The following CAPZB variants were observed in gnomAD, a reference collection of about 807,000 sequenced individuals.
CAPZB encodes the protein F-actin-capping protein subunit beta.
In CAPZB, 2 loss-of-function variants were observed where a neutral mutation model predicts 38.1. The observed-to-expected ratio is 0.05, with a 90% CI of 0.02 to 0.17. The LOEUF is 0.17. CAPZB is among the 10% of genes least tolerant of loss of function. CAPZB has a pLI of 1.00. For synonymous variants in CAPZB, 107 were observed against 127.4 expected (o/e 0.84, Z 1.08); for missense variants, 161 against 334.2 (o/e 0.48, Z 4.04).
At chr1:19,395,728 T>C (rs528718596) in intron 2 of CAPZB, among the ~76,000 whole-genome samples, 1 of 152,330 alleles carries the variant, frequency 6.6e-6, no homozygotes, top group South Asian at 2.1e-4. Context: ...ATCACCTGTG[T>C]GCAGAGAAGC....
chr1:19,363,533 C>G (rs780269474), intron 4 of CAPZB, among the ~76,000 whole-genome samples: 2 of 152,088 alleles, frequency 1.3e-5, no homozygotes, highest in Non-Finnish European at 2.9e-5. Context: ...TTTTCAACCA[C>G]AGGACTTCTG....
chr1:19,440,609 G>T (rs543909950), intron 1 of CAPZB, among the ~76,000 whole-genome samples: 2 of 152,050 alleles, frequency 1.3e-5, no homozygotes, highest in South Asian at 2.1e-4. Flanking sequence ...TGACCAGTGT[G>T]GGGGGAAGGG....
intron 2 of CAPZB, among the ~76,000 whole-genome samples, chr1:19,407,452 G>T (rs973021186): frequency 1.3e-5 from 2 of 152,140 alleles, no homozygotes; most frequent in Admixed American, 6.5e-5. Flanking sequence ...AGGGTACCTG[G>T]GGGGAGACTA....
intron 8 of CAPZB, among the ~76,000 whole-genome samples, chr1:19,340,412 G>T (rs1558164182): frequency 6.6e-6 from 1 of 152,254 alleles, no homozygotes; most frequent in Non-Finnish European, 1.5e-5. Context: ...CCGCATTCAC[G>T]TATGTGTGGG....
In CAPZB at chr1:19,434,644, T is replaced by C. The variant is rs549792455; in HGVS notation, c.4-14894A>G. Among the ~76,000 whole-genome samples, 190 of 152,128 alleles carry C rather than the reference T, an allele frequency of 1.2e-3. 1 individual carries two copies. The highest frequency in any genetic ancestry group is 4.5e-3 in the African/African-American group (187 of 41,500). ...TTTCAGAAAACATAAGATTATAATG[T>C]TTCTAGCCAACGCAGTGGCTCATGC... On this transcript the variant is annotated intron_variant, in intron 1 of 8. Coordinates refer to ENST00000264202, the MANE Select transcript of CAPZB (RefSeq NM_004930.5).
chr1:19,374,797 C>T (rs1445286035), intron 4 of CAPZB, among the ~76,000 whole-genome samples: 1 of 152,204 alleles, frequency 6.6e-6, no homozygotes, highest in African/African-American at 2.4e-5. Context: ...ATGACCCTTG[C>T]CTGAACCCAT....
intron 1 of CAPZB, among the ~76,000 whole-genome samples, chr1:19,429,239 GAGGTTGAGAACCC>G (rs1558253587): frequency 1.3e-5 from 2 of 151,558 alleles, no homozygotes; most frequent in African/African-American, 4.9e-5. Context: ...AATCTGCTAT[GAGGTTGAGAACCC>G]AGAAAATTAG....
intron 1 of CAPZB, among the ~76,000 whole-genome samples, chr1:19,423,349 C>T (rs937057007): frequency 9.9e-5 from 15 of 151,918 alleles, no homozygotes; most frequent in African/African-American, 1.4e-4. Context: ...AAACAGGAAA[C>T]GGTACCGGAG....
At chr1:19,460,726 C>A (rs2094548702) in intron 1 of CAPZB, among the ~76,000 whole-genome samples, 1 of 151,832 alleles carries the variant, frequency 6.6e-6, no homozygotes, top group Non-Finnish European at 1.5e-5. Flanking sequence ...CGGTACTAAC[C>A]GCAGTTTCAG....
chr1:19,455,159 C>T (rs1035896701), intron 1 of CAPZB, among the ~76,000 whole-genome samples: 4 of 152,334 alleles, frequency 2.6e-5, no homozygotes, highest in Non-Finnish European at 5.9e-5. Flanking sequence ...TCATGCCTCC[C>T]GTCCCGGGAG....
chr1:19,433,377 C>T (rs1336635540), intron 1 of CAPZB, among the ~76,000 whole-genome samples: 1 of 152,194 alleles, frequency 6.6e-6, no homozygotes, highest in Non-Finnish European at 1.5e-5. Flanking sequence ...AGAAAAATGT[C>T]GACCACGTGT....
intron 2 of CAPZB, among the ~76,000 whole-genome samples, chr1:19,388,562 C>G (rs1328697342): frequency 2.0e-5 from 3 of 152,188 alleles, no homozygotes; most frequent in Non-Finnish European, 2.9e-5. Context: ...TGTGTGGTTC[C>G]AACCCAGCAC....
At chr1:19,401,649 C>T (rs1355443684) in intron 2 of CAPZB, among the ~76,000 whole-genome samples, 1 of 152,194 alleles carries the variant, frequency 6.6e-6, no homozygotes, top group Non-Finnish European at 1.5e-5. Context: ...AGCCAAAGCT[C>T]TTCTGGTGTT....
chr1:19,353,233 G>A (rs2094001547), intron 6 of CAPZB, among the ~76,000 whole-genome samples: 2 of 152,190 alleles, frequency 1.3e-5, no homozygotes. Flanking sequence ...TGGGCCTGGG[G>A]AGACAGCTCC....
At position 19,357,700 on chromosome 1, in the gene CAPZB, G is replaced by A. The variant is rs558702886; in HGVS notation, c.330-137C>T. ...GTTATGGGAGCCGATCCTTGGGTGT[G>A]TTCTGATCGTTCTGTGGCTGGGGGA... On this transcript the variant is annotated intron_variant, in intron 4 of 8. Coordinates refer to ENST00000264202, the MANE Select transcript of CAPZB (RefSeq NM_004930.5). The surrounding 1 kb of genome is among the most constrained non-coding windows in gnomAD (Gnocchi z 4.3). 12 of 733,950 alleles carry A rather than the reference G, an allele frequency of 1.6e-5. No individual in the cohort carries two copies. In the East Asian group the frequency reaches 3.2e-4, roughly 20 times the overall value. The allele number at this position is 733,950 out of a possible 1,614,324, so 45.5% of individuals were successfully genotyped here.
At chr1:19,459,404 T>G (rs1429119160) in intron 1 of CAPZB, among the ~76,000 whole-genome samples, 1 of 152,216 alleles carries the variant, frequency 6.6e-6, no homozygotes, top group Non-Finnish European at 1.5e-5. Flanking sequence ...AGCATTACTT[T>G]TGCAGGCAGA....
intron 4 of CAPZB, among the ~76,000 whole-genome samples, chr1:19,367,869 TATCTGGCTCTGGG>T (rs2094098728): frequency 1.3e-5 from 2 of 152,222 alleles, no homozygotes; most frequent in Admixed American, 6.5e-5. Flanking sequence ...AGGGGCCGGC[TATCTGGCTCTGGG>T]ATCTGGTTTT....
At chr1:19,370,212 G>A (rs564503223) in intron 4 of CAPZB, among the ~76,000 whole-genome samples, 148 of 152,314 alleles carry the variant, frequency 9.7e-4, no homozygotes, top group Admixed American at 2.7e-3. Flanking sequence ...TGGCCCAGGC[G>A]GTTCCCACTG....
chr1:19,479,010 A>G (rs1192434261), intron 1 of CAPZB, among the ~76,000 whole-genome samples: 1 of 152,176 alleles, frequency 6.6e-6, no homozygotes, highest in Non-Finnish European at 1.5e-5. Flanking sequence ...GGCGTTCAAG[A>G]CCAGCCTGGC....
Sources: gnomAD v4.1 joint callset for allele counts (sites outside exome capture counted in the v4.1 genomes callset) on GRCh38, gnomAD v4.1.1 for gene constraint, Gnocchi (gnomAD v3.1) non-coding constraint, MANE v1.5 for transcripts, NCBI Gene and HGNC (gene_info 2026-07-23, HGNC 2026-07-21) for gene names.